Variants in CTNNA2 observed in about 807,000 individuals in gnomAD.
CTNNA2 encodes the protein catenin alpha 2, also known as catenin alpha-2.
Under a neutral mutation model 101.0 loss-of-function variants are expected in CTNNA2, and 42 were observed. That is an observed-to-expected ratio of 0.42 (90% CI 0.32 to 0.54). The LOEUF (loss-of-function observed/expected upper bound fraction) is 0.54, where lower values mean the gene tolerates loss of function less well. Ranked by LOEUF, CTNNA2 falls within the 20% of genes least tolerant of loss-of-function variation. The pLI is 0.14. For missense variants in CTNNA2, 871 were observed against 1,223.1 expected, an observed-to-expected ratio of 0.71 and a Z score of 4.29; for synonymous variants, 450 against 456.4, an observed-to-expected ratio of 0.99 and a Z score of 0.18.
intron 7 of CTNNA2, among the ~76,000 whole-genome samples, chr2:80,015,337 C>A (rs1240118463): frequency 6.6e-6 from 1 of 152,070 alleles, no homozygotes; most frequent in African/African-American, 2.4e-5. Flanking sequence ...GAAAGAGCTT[C>A]TGTTTTAATT....
chr2:80,074,285 T>C (rs192771151), intron 7 of CTNNA2, among the ~76,000 whole-genome samples: 1 of 152,214 alleles, frequency 6.6e-6, no homozygotes, highest in African/African-American at 2.4e-5. Context: ...AGAATCCTAG[T>C]TTTGAGGTAA....
chr2:79,706,516 G>A (rs559660311), intron 2 of CTNNA2, among the ~76,000 whole-genome samples: 10 of 152,156 alleles, frequency 6.6e-5, no homozygotes, highest in South Asian at 2.1e-4. Flanking sequence ...TTTCACTCTC[G>A]GAAATTCTTC....
chr2:79,294,458 G>C (rs567847969), intron 2 of CTNNA2, among the ~76,000 whole-genome samples: 2 of 152,186 alleles, frequency 1.3e-5, no homozygotes, highest in East Asian at 3.9e-4. Context: ...TGTGAACGTG[G>C]AGTGGGACAC....
At chr2:80,177,259 A>C (rs1705451833) in intron 7 of CTNNA2, among the ~76,000 whole-genome samples, 1 of 152,184 alleles carries the variant, frequency 6.6e-6, no homozygotes, top group Admixed American at 6.5e-5. Flanking sequence ...GCATTATGTG[A>C]GTCCATGGAT....
chr2:79,947,487 T>C (rs1389956415), intron 7 of CTNNA2, among the ~76,000 whole-genome samples: 1 of 152,152 alleles, frequency 6.6e-6, no homozygotes, highest in Non-Finnish European at 1.5e-5. Context: ...TATAAGGTAA[T>C]AGCCTTTCTT....
chr2:80,227,027 A>G (rs920062064), intron 7 of CTNNA2, among the ~76,000 whole-genome samples: 2 of 152,242 alleles, frequency 1.3e-5, no homozygotes, highest in Non-Finnish European at 2.9e-5. Flanking sequence ...ATCATGTAGC[A>G]AATTCATTCG....
intron 11 of CTNNA2, among the ~76,000 whole-genome samples, chr2:80,547,945 G>T (rs921966942): frequency 6.6e-6 from 1 of 152,166 alleles, no homozygotes; most frequent in Admixed American, 6.5e-5. Flanking sequence ...GCCCGCCTTG[G>T]TCTCCCAAAG....
At chr2:80,533,918 C>A (rs563520384) in intron 9 of CTNNA2, among the ~76,000 whole-genome samples, 1 of 152,120 alleles carries the variant, frequency 6.6e-6, no homozygotes, top group African/African-American at 2.4e-5. Context: ...TATTGATGAG[C>A]CAGCATCAAG....
chr2:80,407,136 T>G (rs1003347360), intron 8 of CTNNA2, among the ~76,000 whole-genome samples: 2 of 152,144 alleles, frequency 1.3e-5, no homozygotes, highest in Admixed American at 6.5e-5. Flanking sequence ...AGGAATTTCT[T>G]AGGGACCACT....
chr2:79,918,088 G>A (rs756053701), intron 7 of CTNNA2, among the ~76,000 whole-genome samples: 23 of 145,816 alleles, frequency 1.6e-4, no homozygotes, highest in Admixed American at 6.3e-4. Flanking sequence ...TGCCTTCATT[G>A]CGGTGAAAAA....
chr2:79,804,436 C>T (rs1441284909), intron 3 of CTNNA2, among the ~76,000 whole-genome samples: 1 of 152,024 alleles, frequency 6.6e-6, no homozygotes, highest in African/African-American at 2.4e-5. Context: ...ATAGTTAAAG[C>T]AATAGAAATA....
intron 1 of CTNNA2, among the ~76,000 whole-genome samples, chr2:79,640,663 T>C (rs1358102882): frequency 6.6e-6 from 1 of 152,174 alleles, no homozygotes; most frequent in Admixed American, 6.5e-5. Flanking sequence ...GCTATTATTC[T>C]CTAGGAAATA....
chr2:80,478,880 T>G (rs1266416402), intron 9 of CTNNA2, among the ~76,000 whole-genome samples: 1 of 152,100 alleles, frequency 6.6e-6, no homozygotes, highest in Non-Finnish European at 1.5e-5. Flanking sequence ...CTTAGTACCA[T>G]ATTAATTTTA....
chr2:79,560,522 A>G (rs1674710505), intron 1 of CTNNA2, among the ~76,000 whole-genome samples: 1 of 151,970 alleles, frequency 6.6e-6, no homozygotes. Flanking sequence ...AGAATAGGAA[A>G]AACAATAGGA....
intron 4 of CTNNA2, among the ~76,000 whole-genome samples, chr2:79,465,560 A>C (rs1404675484): frequency 6.6e-6 from 1 of 152,106 alleles, no homozygotes; most frequent in African/African-American, 2.4e-5. Flanking sequence ...TGAATCTATA[A>C]ATTACCTTGG....
At chr2:79,650,596 C>G (rs1043753339) in intron 1 of CTNNA2, among the ~76,000 whole-genome samples, 1 of 147,288 alleles carries the variant, frequency 6.8e-6, no homozygotes, top group Non-Finnish European at 1.5e-5. Flanking sequence ...TTCCTCACCT[C>G]TCCCATAGTC....
intron 7 of CTNNA2, among the ~76,000 whole-genome samples, chr2:80,384,021 T>G (rs560007077): frequency 5.3e-5 from 8 of 152,090 alleles, no homozygotes; most frequent in African/African-American, 1.9e-4. Context: ...TGCAGCAACA[T>G]GGATGGAGCT....
intron 2 of CTNNA2, among the ~76,000 whole-genome samples, chr2:79,733,958 T>C (rs1687360712): frequency 6.6e-6 from 1 of 152,138 alleles, no homozygotes; most frequent in Admixed American, 6.6e-5. Flanking sequence ...TTGGAAAATA[T>C]TTTGTGTCTA....
At chr2:79,737,599 T>C (rs770466583) in intron 2 of CTNNA2, among the ~76,000 whole-genome samples, 11 of 152,160 alleles carry the variant, frequency 7.2e-5, no homozygotes, top group Non-Finnish European at 1.3e-4. Context: ...GTGCCAAATT[T>C]TAGCGTTTCT....
Sources: gnomAD v4.1 joint callset for allele counts (sites outside exome capture counted in the v4.1 genomes callset) on GRCh38, gnomAD v4.1.1 for gene constraint, MANE v1.5 for transcripts, NCBI Gene and HGNC (gene_info 2026-07-23, HGNC 2026-07-21) for gene names.